MTUS2: variants seen among roughly 807,000 people sequenced by gnomAD.
MTUS2 encodes the protein microtubule-associated tumor suppressor candidate 2.
In MTUS2, 40 loss-of-function variants were observed where a neutral mutation model predicts 114.1. The observed-to-expected ratio is 0.35, with a 90% CI of 0.27 to 0.46. MTUS2 has a LOEUF of 0.46. Among genes scored for constraint, MTUS2 ranks in the 20% least tolerant of loss-of-function variants. The pLI is 1.00. For missense variants in MTUS2, 1,679 were observed against 1,705.4 expected, an observed-to-expected ratio of 0.98 and a Z score of 0.27; for synonymous variants, 688 against 672.0, an observed-to-expected ratio of 1.02 and a Z score of -0.37.
At chr13:28,836,502 G>C (rs986372062) in intron 1 of MTUS2, among the ~76,000 whole-genome samples, 11 of 152,134 alleles carry the variant, frequency 7.2e-5, no homozygotes, top group African/African-American at 2.7e-4. Context: ...TTCTACATAG[G>C]GTCAGTCGTA....
At chr13:29,341,961 G>T (rs1901422289) in intron 7 of MTUS2, among the ~76,000 whole-genome samples, 1 of 151,742 alleles carries the variant, frequency 6.6e-6, no homozygotes, top group Admixed American at 6.6e-5. Context: ...GTTGACTGTA[G>T]GTATTAGGCT....
chr13:29,216,239 G>C (rs985870561), intron 5 of MTUS2, among the ~76,000 whole-genome samples: 3 of 152,196 alleles, frequency 2.0e-5, no homozygotes, highest in Non-Finnish European at 4.4e-5. Context: ...CATCAAGCTC[G>C]AGTGTCCCAG....
chr13:29,425,921 A>C (rs138979739), intron 8 of MTUS2, among the ~76,000 whole-genome samples: 29 of 152,158 alleles, frequency 1.9e-4, no homozygotes, highest in African/African-American at 7.0e-4. Flanking sequence ...GCTCTCATAC[A>C]TCTCCTAAGA....
rs577887493 is a variant in MTUS2 at position 29,456,984 on chromosome 13, TA to T, written c.3184+16946del. The stretch of plus-strand genomic sequence containing the variant: ...AACCCCGTCTCTACTAAAAATATAT[TA>T]AAAAAAAAAATTAGCCAGGCATGGT... On this transcript the variant is annotated intron_variant, in intron 9 of 15. Coordinates refer to ENST00000612955, the MANE Select transcript of MTUS2 (RefSeq NM_001033602.4). Among the ~76,000 whole-genome samples, 923 of 145,314 alleles carry T rather than the reference TA, an allele frequency of 6.4e-3. 11 individuals are homozygous for T. Among genetic ancestry groups the T allele is most frequent in the African/African-American group, 0.021 (830 of 39,590 alleles).
chr13:29,075,814 A>C (rs1889168386), intron 4 of MTUS2, among the ~76,000 whole-genome samples: 1 of 152,146 alleles, frequency 6.6e-6, no homozygotes, highest in African/African-American at 2.4e-5. Context: ...ATTGCCTAGA[A>C]GTCATTTCTT....
intron 2 of MTUS2, among the ~76,000 whole-genome samples, chr13:28,937,932 A>G (rs1464162784): frequency 6.6e-6 from 1 of 152,144 alleles, no homozygotes; most frequent in Non-Finnish European, 1.5e-5. Flanking sequence ...AAGAAGAGCA[A>G]CTTATGGAGA....
chr13:29,500,982 T>G (rs1207505118), intron 14 of MTUS2, 115 bp from the exon 15 acceptor site: 1 of 741,922 alleles, frequency 1.3e-6, no homozygotes, highest in African/African-American at 1.8e-5. Flanking sequence ...CATTGCGAAC[T>G]GATGTTTGCA....
chr13:29,339,675 G>A (rs1901284285), intron 7 of MTUS2: 1 of 184,114 alleles, frequency 5.4e-6, no homozygotes, highest in Non-Finnish European at 1.1e-5. Flanking sequence ...AGGAGCGGTG[G>A]CCTGTTGGGA....
At chr13:29,365,140 T>C (rs1870593560) in intron 8 of MTUS2, among the ~76,000 whole-genome samples, 2 of 152,222 alleles carry the variant, frequency 1.3e-5, no homozygotes, top group African/African-American at 2.4e-5. Flanking sequence ...CTTTTACTCA[T>C]AGGACTTCAG....
chr13:29,260,663 C>A (rs1010885265), intron 5 of MTUS2, among the ~76,000 whole-genome samples: 1 of 152,188 alleles, frequency 6.6e-6, no homozygotes, highest in Non-Finnish European at 1.5e-5. Context: ...AGCAAGAAAG[C>A]TAACTCAGCA....
chr13:29,015,184 G>T (rs558080913), intron 2 of MTUS2, among the ~76,000 whole-genome samples: 1 of 152,206 alleles, frequency 6.6e-6, no homozygotes, highest in Non-Finnish European at 1.5e-5. Flanking sequence ...GCAAGACTGT[G>T]TGCCAAAACT....
intron 8 of MTUS2, among the ~76,000 whole-genome samples, chr13:29,359,865 C>T (rs1870080427): frequency 6.6e-6 from 1 of 152,154 alleles, no homozygotes; most frequent in Non-Finnish European, 1.5e-5. Flanking sequence ...CAAAGGGAGA[C>T]AGGGCCCCAG....
chr13:29,030,829 G>A (rs1375039452), intron 3 of MTUS2, among the ~76,000 whole-genome samples: 1 of 152,096 alleles, frequency 6.6e-6, no homozygotes, highest in African/African-American at 2.4e-5. Context: ...TACATAGCAT[G>A]GGTAGAAGTG....
intron 2 of MTUS2, among the ~76,000 whole-genome samples, chr13:28,898,510 T>C (rs1230234962): frequency 6.6e-6 from 1 of 152,182 alleles, no homozygotes; most frequent in Non-Finnish European, 1.5e-5. Flanking sequence ...TCTGAATCCA[T>C]TGTAAAGCAA....
intron 2 of MTUS2, among the ~76,000 whole-genome samples, chr13:28,912,866 T>A (rs113950987): frequency 0.029 from 4,384 of 152,166 alleles, 122 homozygotes; most frequent in African/African-American, 0.069. Context: ...TGCACATTTT[T>A]AAAAAAAATT....
chr13:29,202,597 T>C (rs1232988600), intron 5 of MTUS2, among the ~76,000 whole-genome samples: 2 of 152,252 alleles, frequency 1.3e-5, no homozygotes, highest in Admixed American at 1.3e-4. Flanking sequence ...TTCTGGTTTT[T>C]GGAATTTTCA....
At chr13:28,871,655 A>T (rs897743973) in intron 2 of MTUS2, among the ~76,000 whole-genome samples, 4 of 152,250 alleles carry the variant, frequency 2.6e-5, no homozygotes, top group African/African-American at 9.6e-5. Flanking sequence ...TAGTGGTAGG[A>T]GTCAATCGTT....
At chr13:29,355,030 G>A (rs1346409244) in intron 7 of MTUS2, among the ~76,000 whole-genome samples, 1 of 152,220 alleles carries the variant, frequency 6.6e-6, no homozygotes, top group Non-Finnish European at 1.5e-5. Flanking sequence ...CATCTCTGAT[G>A]TTATAAATAT....
chr13:28,991,101 C>G (rs1884831504), intron 2 of MTUS2, among the ~76,000 whole-genome samples: 3 of 152,196 alleles, frequency 2.0e-5, no homozygotes, highest in African/African-American at 7.2e-5. Flanking sequence ...GCTGCTGCTG[C>G]TGGGCAGAGA....
Sources: gnomAD v4.1 joint callset for allele counts (sites outside exome capture counted in the v4.1 genomes callset) on GRCh38, gnomAD v4.1.1 for gene constraint, MANE v1.5 for transcripts, NCBI Gene and HGNC (gene_info 2026-07-23, HGNC 2026-07-21) for gene names.